The following SOX5 variants were observed in gnomAD, a reference collection of about 807,000 sequenced individuals.
The protein encoded by SOX5 is SRY-box transcription factor 5, also known as transcription factor SOX-5.
In SOX5, 9 loss-of-function variants were observed where a neutral mutation model predicts 92.0. That is an observed-to-expected ratio of 0.10 (90% CI 0.06 to 0.17). SOX5 has a LOEUF of 0.17. Among genes scored for constraint, SOX5 ranks in the 10% least tolerant of loss-of-function variants. The probability of loss-of-function intolerance (pLI) is 1.00; values close to 1 mark genes in which losing one functional copy is unlikely to be tolerated. For missense variants in SOX5, 642 were observed against 944.5 expected (o/e 0.68, Z 4.20); for synonymous variants, 344 against 336.3 (o/e 1.02, Z -0.25).
At chr12:23,622,659 G>A (rs1315882960) in intron 8 of SOX5, among the ~76,000 whole-genome samples, 1 of 152,000 alleles carries the variant, frequency 6.6e-6, no homozygotes, top group African/African-American at 2.4e-5. Context: ...TATCAACACT[G>A]CGTCAACTTA....
At chr12:24,182,326 C>A (rs1955582135) in intron 4 of SOX5, among the ~76,000 whole-genome samples, 1 of 152,118 alleles carries the variant, frequency 6.6e-6, no homozygotes, top group African/African-American at 2.4e-5. Context: ...TAGCTTTGGG[C>A]TTAATTTAAT....
intron 4 of SOX5, among the ~76,000 whole-genome samples, chr12:23,969,306 C>T (rs906382049): frequency 1.3e-5 from 2 of 149,336 alleles, no homozygotes; most frequent in African/African-American, 4.9e-5. Context: ...ACTCTATCCA[C>T]TCTTGCCCTC....
chr12:23,813,713 T>C (rs1232862853), intron 3 of SOX5, among the ~76,000 whole-genome samples: 2 of 152,188 alleles, frequency 1.3e-5, no homozygotes, highest in Admixed American at 6.5e-5. Context: ...AGAGCATGCA[T>C]GCTTGAATTT....
intron 6 of SOX5, among the ~76,000 whole-genome samples, chr12:23,721,073 T>TTTTTA (rs1555290389): frequency 1.7e-4 from 25 of 146,536 alleles, no homozygotes; most frequent in African/African-American, 6.0e-4. Context: ...ATATTAATTA[T>TTTTTA]TTTATTTATT....
chr12:23,841,397 A>T (rs944087722), intron 3 of SOX5, among the ~76,000 whole-genome samples: 3 of 152,124 alleles, frequency 2.0e-5, no homozygotes, highest in Non-Finnish European at 2.9e-5. Flanking sequence ...ATAGTCTGGC[A>T]GTTTCTCCCA....
chr12:24,268,129 T>A (rs1943253237), intron 3 of SOX5, among the ~76,000 whole-genome samples: 1 of 152,184 alleles, frequency 6.6e-6, no homozygotes, highest in South Asian at 2.1e-4. Context: ...TGAAATTAAC[T>A]CCATAATTCA....
At chr12:24,024,015 A>G (rs1954607157) in intron 4 of SOX5, among the ~76,000 whole-genome samples, 1 of 152,046 alleles carries the variant, frequency 6.6e-6, no homozygotes, top group South Asian at 2.1e-4. Context: ...CCAGAGTCTC[A>G]GATTTTAATT....
chr12:23,703,060 C>A (rs1390462248), intron 6 of SOX5, among the ~76,000 whole-genome samples: 1 of 152,016 alleles, frequency 6.6e-6, no homozygotes, highest in East Asian at 1.9e-4. Context: ...AAAGGTGGAA[C>A]TTTGCAGCCA....
At chr12:24,371,260 C>A (rs1956707114) in intron 1 of SOX5, among the ~76,000 whole-genome samples, 1 of 152,148 alleles carries the variant, frequency 6.6e-6, no homozygotes, top group Non-Finnish European at 1.5e-5. Flanking sequence ...TAACAGCCAG[C>A]AAGGAAGCAA....
Position 23,533,570 on chromosome 12 carries a change from G to A in SOX5, c.*649C>T, listed in dbSNP as rs1292579731. The A allele has an allele frequency of 1.9e-5, 3 of 154,926 alleles. No individual in the cohort carries two copies. Among genetic ancestry groups the A allele is most frequent in the African/African-American group, 7.2e-5 (3 of 41,450 alleles). 9.6% of individuals were successfully genotyped at this position (154,926 alleles called of 1,614,324 possible). ...TCTAAAGAAAATAATTGCTTATTTT[G>A]TGGTGGATAGCAAGGAAGTTAAAAA... On this transcript the variant is annotated 3_prime_UTR_variant, in exon 15 of 15. Transcript: ENST00000451604.
chr12:24,169,123 A>C (rs75337889), intron 4 of SOX5, among the ~76,000 whole-genome samples: 3 of 152,198 alleles, frequency 2.0e-5, no homozygotes, highest in Non-Finnish European at 4.4e-5. Flanking sequence ...CATAAAAATG[A>C]AGGATCTCTT....
intron 6 of SOX5, among the ~76,000 whole-genome samples, chr12:23,715,099 A>C (rs1292764340): frequency 6.6e-6 from 1 of 152,084 alleles, no homozygotes; most frequent in East Asian, 1.9e-4. Flanking sequence ...GGAGATCAAG[A>C]CCATCCTGGC....
chr12:23,982,849 C>T (rs1337646243), intron 4 of SOX5, among the ~76,000 whole-genome samples: 1 of 151,624 alleles, frequency 6.6e-6, no homozygotes. Context: ...CCATTGAATC[C>T]AGTATATAGG....
chr12:24,220,020 C>T (rs1387811472), intron 3 of SOX5, among the ~76,000 whole-genome samples: 2 of 151,978 alleles, frequency 1.3e-5, no homozygotes, highest in Non-Finnish European at 2.9e-5. Context: ...GCTTACATAA[C>T]TCGGTAATTA....
chr12:23,816,100 G>T (rs1329503848), intron 3 of SOX5, among the ~76,000 whole-genome samples: 3 of 151,620 alleles, frequency 2.0e-5, no homozygotes, highest in African/African-American at 7.3e-5. Flanking sequence ...TTAGTTCATA[G>T]AACATACAAT....
At chr12:24,229,405 T>A (rs1962878355) in intron 3 of SOX5, among the ~76,000 whole-genome samples, 1 of 137,448 alleles carries the variant, frequency 7.3e-6, no homozygotes, top group Non-Finnish European at 1.6e-5. Flanking sequence ...GGGGAAACTG[T>A]AGAAGCATAA....
At chr12:24,404,382 C>G (rs1962446933) in intron 1 of SOX5, among the ~76,000 whole-genome samples, 1 of 152,158 alleles carries the variant, frequency 6.6e-6, no homozygotes, top group African/African-American at 2.4e-5. Context: ...CATTTGAACC[C>G]TGGCATAATT....
intron 1 of SOX5, among the ~76,000 whole-genome samples, chr12:24,521,301 C>T (rs941138807): frequency 4.6e-5 from 7 of 151,998 alleles, no homozygotes; most frequent in African/African-American, 7.2e-5. Flanking sequence ...GTGATCTGCC[C>T]ATCTTGGCCT....
chr12:24,266,587 A>G (rs1025529257), intron 3 of SOX5, among the ~76,000 whole-genome samples: 2 of 152,218 alleles, frequency 1.3e-5, no homozygotes, highest in African/African-American at 4.8e-5. Flanking sequence ...TAAAAATCAA[A>G]CATTTTATGT....
Sources: allele counts gnomAD v4.1 joint callset (sites outside exome capture counted in the v4.1 genomes callset), GRCh38; gene constraint gnomAD v4.1.1; transcripts MANE v1.5; gene names NCBI Gene and HGNC (gene_info 2026-07-23, HGNC 2026-07-21).